TXK: variants seen among roughly 807,000 people sequenced by gnomAD.
The protein encoded by TXK is TXK tyrosine kinase.
In TXK, 60 loss-of-function variants were observed where a neutral mutation model predicts 81.0. The ratio of observed to expected loss-of-function variants is 0.74; its 90% CI spans 0.60 to 0.92. TXK has a LOEUF of 0.92. TXK is among the 40% of genes least tolerant of loss of function. The pLI, the probability that TXK is intolerant of heterozygous loss-of-function variation, is 0.00. For missense variants in TXK, 581 were observed against 638.3 expected (o/e 0.91, Z 0.97); for synonymous variants, 203 against 210.7 (o/e 0.96, Z 0.32).
intron 4 of TXK, 97 bp downstream of exon 4, chr4:48,112,210 A>T: frequency 8.7e-7 from 1 of 1,153,294 alleles, no homozygotes; most frequent in Middle Eastern, 2.0e-4. Flanking sequence ...GACAGATTCC[A>T]TTTCATGCAG....
chr4:48,095,038 A>T, intron 7 of TXK, 105 bp downstream of exon 7: 1 of 962,842 alleles, frequency 1.0e-6, no homozygotes, highest in Non-Finnish European at 1.6e-6. Flanking sequence ...TCTAACTTCC[A>T]GGTCAACAAT....
At chr4:48,092,968 G>C (rs902521185) in intron 8 of TXK, among the ~76,000 whole-genome samples, 1 of 152,198 alleles carries the variant, frequency 6.6e-6, no homozygotes, top group Admixed American at 6.5e-5. Flanking sequence ...GATGCTCACC[G>C]TGACTCTAAC....
chr4:48,096,489 T>C (rs1465495652), intron 6 of TXK, among the ~76,000 whole-genome samples: 1 of 152,158 alleles, frequency 6.6e-6, no homozygotes, highest in Non-Finnish European at 1.5e-5. Context: ...AAAGCTCCTA[T>C]CACCTAAAGA....
At chr4:48,079,506 C>T (rs914543408) in intron 11 of TXK, among the ~76,000 whole-genome samples, 2 of 152,162 alleles carry the variant, frequency 1.3e-5, no homozygotes, top group African/African-American at 4.8e-5. Context: ...TCATCTCCTA[C>T]CTAACCAATC....
Position 48,086,593 on chromosome 4 carries a change from T to C in TXK, c.829A>G (p.Ile277Val), listed in dbSNP as rs1717540508. ...DPSELAFIKE[I>V]GSGQFGVVHL... ...ACCACTCCAAACTGACCGCTTCCAA[T>C]CTCCTTTATAAAAGCCAACTCAGAT... The change falls in exon 10 of 15, where the codon ATT (isoleucine) becomes GTT (valine). Residue 277 changes from isoleucine to valine, a missense_variant. Ile to Val is a conservative substitution (Grantham distance 29, BLOSUM62 3). Coordinates refer to ENST00000264316, the MANE Select transcript of TXK (RefSeq NM_003328.3). The C allele has an allele frequency of 6.2e-7, 1 of 1,614,056 alleles. No homozygotes were observed. The highest frequency in any genetic ancestry group is 1.1e-5 in the South Asian group (1 of 91,072).
chr4:48,122,537 C>T (rs1718986707), intron 1 of TXK, among the ~76,000 whole-genome samples: 2 of 152,156 alleles, frequency 1.3e-5, no homozygotes, highest in Admixed American at 1.3e-4. Context: ...TGGTGTATTT[C>T]TCACCTTCTA....
At chr4:48,115,417 A>AT (rs538976797) in intron 1 of TXK, among the ~76,000 whole-genome samples, 1 of 152,326 alleles carries the variant, frequency 6.6e-6, no homozygotes, top group South Asian at 2.1e-4. Flanking sequence ...TCCATAAAAC[A>AT]TAGGCTCTTA....
chr4:48,070,042 T>C (rs1474165463), intron 14 of TXK, among the ~76,000 whole-genome samples: 2 of 152,206 alleles, frequency 1.3e-5, no homozygotes, highest in African/African-American at 4.8e-5. Context: ...ATGTAATGCT[T>C]TTGGAATATG....
At chr4:48,126,322 T>C (rs543758969) in intron 1 of TXK, among the ~76,000 whole-genome samples, 5 of 152,346 alleles carry the variant, frequency 3.3e-5, no homozygotes, top group African/African-American at 1.2e-4. Context: ...TCTTAAAGCA[T>C]TTCTTTTCTC....
At chr4:48,105,646 T>TA (rs552282449) in intron 5 of TXK, among the ~76,000 whole-genome samples, 66 of 151,596 alleles carry the variant, frequency 4.4e-4, no homozygotes, top group Middle Eastern at 3.4e-3. Context: ...ATACTGTTGA[T>TA]AAAAAAAAAC....
intron 8 of TXK, among the ~76,000 whole-genome samples, chr4:48,091,478 G>A (rs1717771623): frequency 6.6e-6 from 1 of 151,968 alleles, no homozygotes; most frequent in South Asian, 2.1e-4. Context: ...CAAGTAGGAG[G>A]GCACAGTCAG....
Position 48,112,474 on chromosome 4 carries a change from T to C in TXK, c.213A>G (p.Pro71=). The C allele has an allele frequency of 1.9e-6, 3 of 1,614,162 alleles. No homozygotes were observed. The highest frequency in any genetic ancestry group is 1.7e-4 in the Middle Eastern group (1 of 6,060). Residue 71 remains proline (P), a synonymous_variant, in exon 4 of 15, where the codon CCA becomes CCG. Coordinates refer to ENST00000264316, the MANE Select transcript of TXK (RefSeq NM_003328.3). ...CCTCAGAGGGTGGGAGGGGAGGCAG[T>C]GGCTTTCGTTTTGACGGCTGCACAC... ...TGRVQPSKRK[P]LPPLPPSEVA... is the part of the protein sequence containing the mutation.
At chr4:48,113,153 C>G in intron 3 of TXK, 54 bp downstream of exon 3, 1 of 1,362,608 alleles carries the variant, frequency 7.3e-7, no homozygotes, top group Non-Finnish European at 1.0e-6. Context: ...TGAATGAAGA[C>G]TCTAAAAAGA....
Position 48,076,519 on chromosome 4 carries a change from G to A in TXK, c.1174-53C>T, listed in dbSNP as rs868010828. The A allele has an allele frequency of 3.3e-6, 5 of 1,507,282 alleles. No individual in the cohort carries two copies. In the Middle Eastern group the frequency reaches 6.9e-4, roughly 208 times the overall value. 93.4% of individuals were successfully genotyped at this position (1,507,282 alleles called of 1,614,324 possible). A position where few individuals can be genotyped will look rare whatever the true frequency, so the allele number is the denominator to read the frequency against. Reference sequence around the variant, plus strand: ...TTGAATACAAGCTTTTATTTCAAGAGTTTTTCCTCTCCTTTTCCTTAGGTT... The same window carrying A: ...TTGAATACAAGCTTTTATTTCAAGAATTTTTCCTCTCCTTTTCCTTAGGTT... On this transcript the variant is annotated intron_variant, in intron 11 of 14. Coordinates refer to ENST00000264316, the MANE Select transcript of TXK (RefSeq NM_003328.3).
At chr4:48,093,961 G>T in intron 8 of TXK, 116 bp downstream of exon 8, 1 of 1,359,386 alleles carries the variant, frequency 7.4e-7, no homozygotes, top group Non-Finnish European at 1.0e-6. Flanking sequence ...TGTACTTCAA[G>T]CTTTTAAACT....
chr4:48,067,749 T>G (rs369204768), intron 14 of TXK, 44 bp from the exon 15 acceptor site: 1 of 1,578,352 alleles, frequency 6.3e-7, no homozygotes, highest in Non-Finnish European at 8.7e-7. Context: ...TTAACCAACT[T>G]ATGCCAAGGG....
chr4:48,125,597 A>G (rs1719070951), intron 1 of TXK, among the ~76,000 whole-genome samples: 1 of 152,196 alleles, frequency 6.6e-6, no homozygotes, highest in African/African-American at 2.4e-5. Context: ...TTTTCTCAGT[A>G]AGGTATAAAT....
At chr4:48,098,136 C>T (rs1231490053) in intron 6 of TXK, among the ~76,000 whole-genome samples, 3 of 152,046 alleles carry the variant, frequency 2.0e-5, no homozygotes, top group Non-Finnish European at 2.9e-5. Flanking sequence ...GAAACTATGC[C>T]ACAGCACATG....
At chr4:48,078,201 G>C (rs1042766065) in intron 11 of TXK, among the ~76,000 whole-genome samples, 2 of 152,184 alleles carry the variant, frequency 1.3e-5, no homozygotes, top group African/African-American at 4.8e-5. Context: ...AAGACTCTAA[G>C]TCTCATAAGA....
Sources: allele counts gnomAD v4.1 joint callset (sites outside exome capture counted in the v4.1 genomes callset), GRCh38; gene constraint gnomAD v4.1.1; transcripts MANE v1.5; gene names NCBI Gene and HGNC (gene_info 2026-07-23, HGNC 2026-07-21).